The following MLLT3 variants were observed in gnomAD, a reference collection of about 807,000 sequenced individuals.
The protein encoded by MLLT3 is protein AF-9.
In MLLT3, 4 loss-of-function variants were observed where a neutral mutation model predicts 53.2. The ratio of observed to expected loss-of-function variants is 0.08; its 90% CI spans 0.04 to 0.17. The LOEUF (loss-of-function observed/expected upper bound fraction) is 0.17, where lower values mean the gene tolerates loss of function less well. Among genes scored for constraint, MLLT3 ranks in the 10% least tolerant of loss-of-function variants. The pLI is 1.00. For missense variants in MLLT3, 569 were observed against 684.0 expected, an observed-to-expected ratio of 0.83 and a Z score of 1.87; for synonymous variants, 283 against 230.6, an observed-to-expected ratio of 1.23 and a Z score of -2.06.
At position 20,504,375 on chromosome 9, in the gene MLLT3, C is replaced by T. The variant is rs546436595; in HGVS notation, c.194-47589G>A. On this transcript the variant is annotated intron_variant, in intron 2 of 10. Coordinates refer to ENST00000380338, the MANE Select transcript of MLLT3 (RefSeq NM_004529.4). ...TTGTGTGTGTGTGTGTGTGTGTGTACAAATATAATTATATTAAAGGCTGAA... is the reference window on the plus strand; with the variant it reads ...TTGTGTGTGTGTGTGTGTGTGTGTATAAATATAATTATATTAAAGGCTGAA... Among the ~76,000 whole-genome samples, 6 of 122,720 alleles carry T rather than the reference C, an allele frequency of 4.9e-5. No individual in the cohort carries two copies. In the South Asian group the frequency reaches 1.5e-3, roughly 30 times the overall value. 80.5% of individuals were successfully genotyped at this position (122,720 alleles called of 152,430 possible). A position where few individuals can be genotyped will look rare whatever the true frequency, so the allele number is the denominator to read the frequency against.
In MLLT3 at chr9:20,451,711, G is replaced by A. The variant is rs367849882; in HGVS notation, c.277-3445C>T. On this transcript the variant is annotated intron_variant, in intron 3 of 10. Transcript: ENST00000380338. ...ATATATAAATAATACATTTCCTAGA[G>A]GTGGAAATTTGTTTTTGGCAATATC... Among the ~76,000 whole-genome samples, 36 of 152,194 alleles carry A rather than the reference G, an allele frequency of 2.4e-4. 1 individual carries two copies. The South Asian group carries it at 7.3e-3, about 31-fold the overall frequency.
intron 4 of MLLT3, among the ~76,000 whole-genome samples, chr9:20,420,630 A>G (rs935751433): frequency 6.6e-6 from 1 of 152,256 alleles, no homozygotes; most frequent in Non-Finnish European, 1.5e-5. Context: ...CACAATGAGT[A>G]CAGACACAGT....
chr9:20,522,630 G>C (rs1253550911), intron 2 of MLLT3, among the ~76,000 whole-genome samples: 1 of 152,168 alleles, frequency 6.6e-6, no homozygotes. Flanking sequence ...CTGTAGTGTA[G>C]TGTAAGAAGA....
chr9:20,479,389 C>G (rs773228026), intron 2 of MLLT3, among the ~76,000 whole-genome samples: 10 of 152,130 alleles, frequency 6.6e-5, no homozygotes, highest in Non-Finnish European at 1.5e-4. Context: ...CCCTTCACAT[C>G]TAGAGCAACC....
intron 5 of MLLT3, among the ~76,000 whole-genome samples, chr9:20,400,895 G>A (rs1368339865): frequency 6.6e-6 from 1 of 152,084 alleles, no homozygotes. Flanking sequence ...ATATCCTTTT[G>A]CATATTTTCT....
At chr9:20,566,101 G>A (rs930696948) in intron 2 of MLLT3, among the ~76,000 whole-genome samples, 1 of 141,188 alleles carries the variant, frequency 7.1e-6, no homozygotes, top group African/African-American at 2.6e-5. Context: ...TATATAAAGT[G>A]TACTTTCATC....
intron 4 of MLLT3, among the ~76,000 whole-genome samples, chr9:20,414,987 T>C (rs975229964): frequency 6.6e-6 from 1 of 152,080 alleles, no homozygotes; most frequent in African/African-American, 2.4e-5. Context: ...AAAGCACAGA[T>C]TGTATTTGGG....
chr9:20,585,837 T>C (rs936095648), intron 2 of MLLT3, among the ~76,000 whole-genome samples: 1 of 152,178 alleles, frequency 6.6e-6, no homozygotes, highest in African/African-American at 2.4e-5. Context: ...AGTAACAATA[T>C]ATTAAGACCT....
At chr9:20,521,469 T>C (rs1361118507) in intron 2 of MLLT3, among the ~76,000 whole-genome samples, 1 of 152,022 alleles carries the variant, frequency 6.6e-6, no homozygotes, top group African/African-American at 2.4e-5. Context: ...TGTGTGTGTG[T>C]GTGTGTGTGT....
chr9:20,559,943 T>C (rs1028767000), intron 2 of MLLT3, among the ~76,000 whole-genome samples: 2 of 152,212 alleles, frequency 1.3e-5, no homozygotes, highest in Non-Finnish European at 2.9e-5. Context: ...CTAGTCATTT[T>C]ACTTTGGGCA....
At chr9:20,504,678 T>A (rs1327316342) in intron 2 of MLLT3, among the ~76,000 whole-genome samples, 2 of 152,030 alleles carry the variant, frequency 1.3e-5, no homozygotes, top group Non-Finnish European at 2.9e-5. Context: ...TACAATATGG[T>A]GACTACAGTT....
intron 2 of MLLT3, among the ~76,000 whole-genome samples, chr9:20,523,261 A>G (rs1308637064): frequency 6.6e-6 from 1 of 152,230 alleles, no homozygotes; most frequent in Non-Finnish European, 1.5e-5. Context: ...ACTCTCATTC[A>G]TTGCTGGTAG....
chr9:20,498,264 A>C (rs1049634833), intron 2 of MLLT3, among the ~76,000 whole-genome samples: 1 of 137,660 alleles, frequency 7.3e-6, no homozygotes, highest in African/African-American at 2.7e-5. Flanking sequence ...AAAAAAAAAA[A>C]AAGTTCTTCT....
At chr9:20,567,180 C>A (rs78954284) in intron 2 of MLLT3, among the ~76,000 whole-genome samples, 299 of 121,264 alleles carry the variant, frequency 2.5e-3, no homozygotes, top group Middle Eastern at 8.3e-3. Context: ...CACTCAAAGT[C>A]AAAAAAAAAA....
chr9:20,531,138 C>CT (rs34485185), intron 2 of MLLT3, among the ~76,000 whole-genome samples: 1,688 of 118,456 alleles, frequency 0.014, 20 homozygotes, highest in Middle Eastern at 0.059. Flanking sequence ...TATTCAGTTG[C>CT]TTTTTTTTTT....
intron 2 of MLLT3, among the ~76,000 whole-genome samples, chr9:20,495,087 T>A (rs1825049587): frequency 6.6e-6 from 1 of 152,194 alleles, no homozygotes. Flanking sequence ...AGCTACTTAA[T>A]TAATGGGAGT....
chr9:20,579,584 A>G (rs1819738471), intron 2 of MLLT3, among the ~76,000 whole-genome samples: 1 of 152,196 alleles, frequency 6.6e-6, no homozygotes, highest in Non-Finnish European at 1.5e-5. Flanking sequence ...AAAAAAATAT[A>G]AACTTTTAAA....
intron 2 of MLLT3, among the ~76,000 whole-genome samples, chr9:20,535,323 C>T (rs908279019): frequency 6.6e-5 from 10 of 152,284 alleles, no homozygotes; most frequent in African/African-American, 2.4e-4. Context: ...CCCACCCCAT[C>T]CATGGAAAAT....
intron 5 of MLLT3, among the ~76,000 whole-genome samples, chr9:20,410,086 G>A (rs1384641685): frequency 6.6e-6 from 1 of 152,072 alleles, no homozygotes; most frequent in Non-Finnish European, 1.5e-5. Context: ...TGATCATGTA[G>A]CAGAACCATA....
Sources: allele counts gnomAD v4.1 joint callset (sites outside exome capture counted in the v4.1 genomes callset), GRCh38; gene constraint gnomAD v4.1.1; transcripts MANE v1.5; gene names NCBI Gene and HGNC (gene_info 2026-07-23, HGNC 2026-07-21).